Variants in DCLK1 observed in about 807,000 individuals in gnomAD.
DCLK1 encodes doublecortin like kinase 1, also known as serine/threonine-protein kinase DCLK1.
DCLK1 carries 16 observed loss-of-function variants against 86.2 expected under a neutral mutation model. The ratio of observed to expected loss-of-function variants is 0.19; its 90% CI spans 0.13 to 0.28. The LOEUF (loss-of-function observed/expected upper bound fraction) is 0.28. Ranked by LOEUF, DCLK1 falls within the 10% of genes least tolerant of loss-of-function variation. The pLI is 1.00. For synonymous variants in DCLK1, 369 were observed against 370.5 expected, an observed-to-expected ratio of 1.00 and a Z score of 0.05; for missense variants, 590 against 940.2, an observed-to-expected ratio of 0.63 and a Z score of 4.87.
intron 3 of DCLK1, among the ~76,000 whole-genome samples, chr13:36,078,784 T>C (rs2138105758): frequency 6.6e-6 from 1 of 152,286 alleles, no homozygotes; most frequent in Non-Finnish European, 1.5e-5. Context: ...CATTAAAAGG[T>C]TGTCACTTTA....
In DCLK1 at chr13:35,934,805, A is replaced by G. The variant is rs184586162; in HGVS notation, c.823+12553T>C. On this transcript the variant is annotated intron_variant, in intron 4 of 16. Coordinates refer to ENST00000360631, the MANE Select transcript of DCLK1 (RefSeq NM_001330071.2). ...ATACAGCGACCTTGGGCAGTTTCTC[A>G]ACTTCTCCTAACATCGCTTTCATTA... is the stretch of plus-strand genomic sequence containing the variant. 1.6e-3 allele frequency among the ~76,000 whole-genome samples: 242 copies of G among 152,296 alleles called. 1 individual carries two copies. The highest frequency in any genetic ancestry group is 1.7e-3 in the Non-Finnish European group (113 of 68,026).
At position 35,868,560 on chromosome 13, in the gene DCLK1, T is replaced by C. The variant is rs143885111; in HGVS notation, c.940+2664A>G. Among the ~76,000 whole-genome samples the C allele has an allele frequency of 1.4e-3, 216 of 152,338 alleles. 3 individuals carry two copies. The highest frequency in any genetic ancestry group is 4.7e-3 in the African/African-American group (196 of 41,582). On this transcript the variant is annotated intron_variant, in intron 5 of 16. Coordinates refer to ENST00000360631, the MANE Select transcript of DCLK1 (RefSeq NM_001330071.2). ...GTCAAAGTTGGTTTGGATGGAGAAC[T>C]AATTTTGTTTTTTAATATTGATGAT...
chr13:36,020,361 C>T (rs570657355), intron 3 of DCLK1, among the ~76,000 whole-genome samples: 1 of 152,256 alleles, frequency 6.6e-6, no homozygotes, highest in South Asian at 2.1e-4. Context: ...TCTGGAATGG[C>T]TCCTCCATAG....
chr13:35,966,576 C>T (rs1035932967), intron 3 of DCLK1, among the ~76,000 whole-genome samples: 25 of 146,942 alleles, frequency 1.7e-4, no homozygotes, highest in Admixed American at 7.0e-4. Flanking sequence ...ACTGTACTGC[C>T]GCCATCTCGA....
At chr13:35,996,877 C>A (rs1267398964) in intron 3 of DCLK1, among the ~76,000 whole-genome samples, 1 of 152,166 alleles carries the variant, frequency 6.6e-6, no homozygotes, top group Non-Finnish European at 1.5e-5. Flanking sequence ...TGAGAGTGAG[C>A]ATTCGACCTG....
Position 35,821,148 on chromosome 13 carries a change from C to A in DCLK1, c.1554+1581G>T, listed in dbSNP as rs534185939. Among the ~76,000 whole-genome samples the A allele has an allele frequency of 1.8e-3, 271 of 152,306 alleles. 1 individual carries two copies. Among genetic ancestry groups the A allele is most frequent in the Non-Finnish European group, 3.2e-3 (219 of 68,034 alleles). ...TGACAACCGTGGGCAGGTCATTTAACTTCTAGGTACCCATGTTCCTTACCT... is the reference window on the plus strand; with the variant it reads ...TGACAACCGTGGGCAGGTCATTTAAATTCTAGGTACCCATGTTCCTTACCT... On this transcript the variant is annotated intron_variant, in intron 11 of 16. Coordinates refer to ENST00000360631, the MANE Select transcript of DCLK1 (RefSeq NM_001330071.2).
At position 35,805,533 on chromosome 13, in the gene DCLK1, A is replaced by G. The variant is rs1221726408; in HGVS notation, c.1944+166T>C. 9.9e-6 allele frequency: 6 copies of G among 604,524 alleles called. No homozygotes were observed. The African/African-American group carries it at 1.1e-4, about 11-fold the overall frequency. The allele number at this position is 604,524 out of a possible 1,614,324, so 37.4% of individuals were successfully genotyped here. A position where few individuals can be genotyped will look rare whatever the true frequency, so the allele number is the denominator to read the frequency against. Reference sequence around the variant, plus strand: ...AAGCTGTCCTCGAACTCCTGAGCTCAGGCAATCCACCCACCTCGGCCTCCC... The same window carrying G: ...AAGCTGTCCTCGAACTCCTGAGCTCGGGCAATCCACCCACCTCGGCCTCCC... On this transcript the variant is annotated intron_variant, in intron 15 of 16. Transcript: ENST00000360631.
intron 3 of DCLK1, among the ~76,000 whole-genome samples, chr13:36,002,440 C>A (rs567139475): frequency 5.3e-5 from 8 of 152,232 alleles, no homozygotes; most frequent in African/African-American, 1.7e-4. Context: ...TATCCTTCAA[C>A]GTTAAATAAC....
intron 5 of DCLK1, chr13:35,855,858 A>G (rs2153110992): frequency 2.6e-6 from 3 of 1,149,062 alleles, no homozygotes; most frequent in African/African-American, 1.6e-5. Context: ...AATCATAATG[A>G]AGTGGCCCTG....
chr13:35,845,162 C>G (rs1445294770), intron 6 of DCLK1, among the ~76,000 whole-genome samples: 1 of 152,070 alleles, frequency 6.6e-6, no homozygotes, highest in Non-Finnish European at 1.5e-5. Flanking sequence ...GCACAAGAAC[C>G]GCTTGAACCC....
intron 11 of DCLK1, among the ~76,000 whole-genome samples, chr13:35,814,741 A>G (rs1490157251): frequency 6.6e-6 from 1 of 152,254 alleles, no homozygotes; most frequent in African/African-American, 2.4e-5. Flanking sequence ...AGGGACAGGG[A>G]TTAGTGCAAA....
chr13:35,986,443 C>T (rs1409602251), intron 3 of DCLK1, among the ~76,000 whole-genome samples: 2 of 151,654 alleles, frequency 1.3e-5, no homozygotes, highest in Non-Finnish European at 2.9e-5. Context: ...AGTTTGTTTC[C>T]ATTAAATCTT....
At chr13:35,792,552 A>C (rs142379362) in intron 16 of DCLK1, among the ~76,000 whole-genome samples, 16 of 152,310 alleles carry the variant, frequency 1.1e-4, no homozygotes, top group African/African-American at 3.6e-4. Context: ...AAAACAGCTC[A>C]AGTGATTTTC....
chr13:35,814,273 G>GCACACA (rs928703357), intron 11 of DCLK1, among the ~76,000 whole-genome samples: 1 of 151,800 alleles, frequency 6.6e-6, no homozygotes, highest in South Asian at 2.1e-4. Context: ...GCGCACACAC[G>GCACACA]CACACACACA....
intron 14 of DCLK1, 50 bp from the exon 15 acceptor site, chr13:35,805,829 C>T: frequency 6.5e-7 from 1 of 1,547,048 alleles, no homozygotes; most frequent in South Asian, 1.2e-5. Flanking sequence ...AGGTGAAAAG[C>T]TGTATGTGTG....
rs148981502 is a variant in DCLK1, at chr13:36,080,348, C to T, written c.723+31521G>A. ...TGCAGGATCAAAGGAGAGAGAAAAG[C>T]AAGCTGGAAATACCTGTGAAATCAA... On this transcript the variant is annotated intron_variant, in intron 3 of 16. Coordinates refer to ENST00000360631, the MANE Select transcript of DCLK1 (RefSeq NM_001330071.2). Among the ~76,000 whole-genome samples, 7 of 152,276 alleles carry T rather than the reference C, an allele frequency of 4.6e-5. No individual in the cohort carries two copies. In the East Asian group the frequency reaches 1.4e-3, roughly 29 times the overall value.
intron 3 of DCLK1, among the ~76,000 whole-genome samples, chr13:36,088,672 C>T (rs530958023): frequency 2.0e-5 from 3 of 152,268 alleles, no homozygotes; most frequent in Admixed American, 6.5e-5. Context: ...AGTGGGTCTG[C>T]GAGACGTGCC....
intron 3 of DCLK1, among the ~76,000 whole-genome samples, chr13:35,989,063 C>T (rs1051854564): frequency 6.6e-6 from 1 of 152,112 alleles, no homozygotes; most frequent in East Asian, 1.9e-4. Context: ...AGAAACTTTA[C>T]AAATTAGCCC....
intron 3 of DCLK1, among the ~76,000 whole-genome samples, chr13:35,973,317 T>C (rs1473580732): frequency 6.6e-6 from 1 of 152,186 alleles, no homozygotes; most frequent in Non-Finnish European, 1.5e-5. Flanking sequence ...CTCCTGCTTA[T>C]AGGCTTTTGC....
Sources: allele counts gnomAD v4.1 joint callset (sites outside exome capture counted in the v4.1 genomes callset), GRCh38; gene constraint gnomAD v4.1.1; transcripts MANE v1.5; gene names NCBI Gene and HGNC (gene_info 2026-07-23, HGNC 2026-07-21).